PDE10A: variants seen among roughly 807,000 people sequenced by gnomAD.
PDE10A encodes phosphodiesterase 10A, also known as cAMP and cAMP-inhibited cGMP 3',5'-cyclic phosphodiesterase 10A.
PDE10A carries 39 observed loss-of-function variants against 97.7 expected under a neutral mutation model. The ratio of observed to expected loss-of-function variants is 0.40; its 90% CI spans 0.31 to 0.52. The LOEUF is 0.52. Ranked by LOEUF, PDE10A falls within the 20% of genes least tolerant of loss-of-function variation. The pLI, the probability that PDE10A is intolerant of heterozygous loss-of-function variation, is 0.56. For synonymous variants in PDE10A, 371 were observed against 376.8 expected (o/e 0.98, Z 0.18); for missense variants, 731 against 1,047.8 (o/e 0.70, Z 4.17).
chr6:165,643,537 T>A (rs1422314228), intron 1 of PDE10A, among the ~76,000 whole-genome samples: 1 of 152,164 alleles, frequency 6.6e-6, no homozygotes, highest in Non-Finnish European at 1.5e-5. Context: ...ATCCCTTTCT[T>A]CTTTTGGAAA....
intron 1 of PDE10A, among the ~76,000 whole-genome samples, chr6:165,847,981 T>G (rs886523328): frequency 7.9e-5 from 12 of 152,192 alleles, no homozygotes; most frequent in Non-Finnish European, 1.5e-4. Flanking sequence ...TCAGAAGGGA[T>G]GTACAGTGCC....
upstream of PDE10A, among the ~76,000 whole-genome samples, chr6:165,665,452 C>G (rs1461202405): frequency 6.6e-6 from 1 of 152,154 alleles, no homozygotes; most frequent in Non-Finnish European, 1.5e-5. Flanking sequence ...TTACTCCAAA[C>G]CTTTTGTGAA....
chr6:165,401,608 A>AT (rs1326245066), intron 13 of PDE10A, among the ~76,000 whole-genome samples: 3 of 152,016 alleles, frequency 2.0e-5, no homozygotes, highest in African/African-American at 4.8e-5. Flanking sequence ...CATAACCGTG[A>AT]TTTTTTTTCT....
At chr6:165,477,962 G>C (rs1158721886) in intron 3 of PDE10A, among the ~76,000 whole-genome samples, 1 of 152,106 alleles carries the variant, frequency 6.6e-6, no homozygotes, top group Non-Finnish European at 1.5e-5. Context: ...GTCCAGTTTA[G>C]TGCTTGGGTC....
At chr6:165,901,625 A>C (rs1008360809) in intron 1 of PDE10A, among the ~76,000 whole-genome samples, 28 of 152,122 alleles carry the variant, frequency 1.8e-4, no homozygotes, top group African/African-American at 6.8e-4. Flanking sequence ...CAACACGGAG[A>C]AACTCTGTCT....
chr6:165,892,922 C>T (rs2461724), intron 1 of PDE10A, among the ~76,000 whole-genome samples: 58 of 152,302 alleles, frequency 3.8e-4, no homozygotes, highest in African/African-American at 1.2e-3. Flanking sequence ...AGCTCCTACT[C>T]GCTCCAGCCT....
rs1037317005 is a variant in PDE10A, at chr6:165,331,008, T to C, written c.*2017A>G. 6 of 152,192 alleles carry C rather than the reference T, an allele frequency of 3.9e-5. No homozygotes were observed. Among genetic ancestry groups the C allele is most frequent in the Admixed American group, 1.3e-4 (2 of 15,280 alleles). The allele number at this position is 152,192 out of a possible 1,614,324, so 9.4% of individuals were successfully genotyped here. A position where few individuals can be genotyped will look rare whatever the true frequency, so the allele number is the denominator to read the frequency against. The stretch of plus-strand genomic sequence containing the variant: ...ACTGTCAAGTGATATGCATTTTCCA[T>C]CAAGAAAAATCATTGTTCTTAAAGA... On this transcript the variant is annotated 3_prime_UTR_variant, in exon 22 of 22. Coordinates refer to ENST00000539869, the MANE Select transcript of PDE10A (RefSeq NM_001385079.1).
chr6:165,478,026 G>T (rs1034569578), intron 3 of PDE10A, among the ~76,000 whole-genome samples: 1 of 152,048 alleles, frequency 6.6e-6, no homozygotes, highest in African/African-American at 2.4e-5. Flanking sequence ...TACTCCCACG[G>T]CCTTAAACAT....
At chr6:165,574,336 T>C (rs530590310) in intron 1 of PDE10A, among the ~76,000 whole-genome samples, 1 of 151,996 alleles carries the variant, frequency 6.6e-6, no homozygotes, top group African/African-American at 2.4e-5. Flanking sequence ...TGCTTGGGGA[T>C]TGGGAATAGG....
exon 1 of PDE10A, chr6:165,987,762 G>T: frequency 2.2e-6 from 1 of 455,938 alleles, no homozygotes; most frequent in South Asian, 1.6e-5. Context: ...GATTCCAAAG[G>T]CTTGGGGCAC....
chr6:165,860,988 C>T (rs548419760), intron 1 of PDE10A, among the ~76,000 whole-genome samples: 3 of 152,240 alleles, frequency 2.0e-5, no homozygotes, highest in African/African-American at 7.2e-5. Flanking sequence ...CATTTGTCTG[C>T]CCAGCTTGCT....
intron 1 of PDE10A, among the ~76,000 whole-genome samples, chr6:165,619,424 G>C (rs867077575): frequency 3.4e-4 from 38 of 113,268 alleles, no homozygotes; most frequent in African/African-American, 4.1e-4. Context: ...GTAGTGTAGT[G>C]TAGTATAGTG....
intron 1 of PDE10A, among the ~76,000 whole-genome samples, chr6:165,621,712 C>T (rs561971264): frequency 1.9e-4 from 29 of 150,918 alleles, no homozygotes; most frequent in South Asian, 2.1e-4. Context: ...GCCGAGATTG[C>T]GCCACTGAAC....
chr6:165,541,138 G>C (rs12661666), intron 2 of PDE10A, among the ~76,000 whole-genome samples: 30 of 152,148 alleles, frequency 2.0e-4, no homozygotes, highest in African/African-American at 6.5e-4. Flanking sequence ...TGGAATGTAA[G>C]GTTCCTTTTT....
intron 2 of PDE10A, among the ~76,000 whole-genome samples, chr6:165,532,178 G>A (rs1782818511): frequency 6.6e-6 from 1 of 151,924 alleles, no homozygotes; most frequent in South Asian, 2.1e-4. Flanking sequence ...CCCGTCTCGG[G>A]GCTCTGGGAG....
rs1790354561 is a variant in PDE10A, at chr6:165,662,782, G to A, written c.30C>T (p.Pro10=). ...CCGCTGGCAGGGGACCCTGGGGGCG[G>A]GGAGCAAGAGGCTCCTCGAGGCTGG... is the stretch of plus-strand genomic sequence containing the variant. MASLEEPLA[P]RPQGPLPAAG... is the part of the protein sequence containing the mutation. Residue 10 remains proline (P), a synonymous_variant, in exon 1 of 22, where the codon CCC becomes CCT. Coordinates refer to ENST00000539869, the MANE Select transcript of PDE10A (RefSeq NM_001385079.1). Among the ~76,000 whole-genome samples the A allele has an allele frequency of 6.7e-6, 1 of 149,576 alleles. No homozygotes were observed. Among genetic ancestry groups the A allele is most frequent in the South Asian group, 2.1e-4 (1 of 4,808 alleles).
chr6:165,553,277 G>C (rs891424497), intron 1 of PDE10A, among the ~76,000 whole-genome samples: 1 of 152,068 alleles, frequency 6.6e-6, no homozygotes, highest in Non-Finnish European at 1.5e-5. Context: ...ATATGGAAAT[G>C]AATGGAGGTT....
At position 165,583,457 on chromosome 6, in the gene PDE10A, C is replaced by T. The variant is rs114152236; in HGVS notation, c.866-39889G>A. Among the ~76,000 whole-genome samples, 1,447 of 152,292 alleles carry T rather than the reference C, an allele frequency of 9.5e-3. 26 individuals carry two copies. Among genetic ancestry groups the T allele is most frequent in the African/African-American group, 0.033 (1,379 of 41,552 alleles). On this transcript the variant is annotated intron_variant, in intron 1 of 21. Transcript: ENST00000539869. ...TGCCTTATGGCAAAAGATGAGATTA[C>T]AGTTAAAGATCTTGAGAGGAGGAGT...
At chr6:165,460,419 T>C (rs1485319317) in intron 3 of PDE10A, among the ~76,000 whole-genome samples, 1 of 152,030 alleles carries the variant, frequency 6.6e-6, no homozygotes. Context: ...AAAAGTGAAA[T>C]TAAATGAACA....
Sources: gnomAD v4.1 joint callset for allele counts (sites outside exome capture counted in the v4.1 genomes callset) on GRCh38, gnomAD v4.1.1 for gene constraint, MANE v1.5 for transcripts, NCBI Gene and HGNC (gene_info 2026-07-23, HGNC 2026-07-21) for gene names.